The following FOXP1 variants were observed in gnomAD, a reference collection of about 807,000 sequenced individuals.
FOXP1 encodes the protein forkhead box protein P1.
Under a neutral mutation model 98.2 loss-of-function variants are expected in FOXP1, and 15 were observed. The ratio of observed to expected loss-of-function variants is 0.15; its 90% CI spans 0.10 to 0.24. The LOEUF (loss-of-function observed/expected upper bound fraction) is 0.24, where lower values mean the gene tolerates loss of function less well. FOXP1 is among the 10% of genes least tolerant of loss of function. The pLI, the probability that FOXP1 is intolerant of heterozygous loss-of-function variation, is 1.00. For missense variants in FOXP1, 633 were observed against 848.5 expected, an observed-to-expected ratio of 0.75 and a Z score of 3.15; for synonymous variants, 371 against 314.5, an observed-to-expected ratio of 1.18 and a Z score of -1.90.
chr3:71,040,101 G>GTGTA (rs535054333), intron 11 of FOXP1, among the ~76,000 whole-genome samples: 18 of 150,090 alleles, frequency 1.2e-4, no homozygotes, highest in Non-Finnish European at 2.2e-4. Context: ...GTGTGTGTGT[G>GTGTA]TGTATGTATG....
At chr3:71,172,968 G>A (rs968208936) in intron 6 of FOXP1, among the ~76,000 whole-genome samples, 3 of 152,170 alleles carry the variant, frequency 2.0e-5, no homozygotes, top group Admixed American at 6.5e-5. Context: ...AAATGAAGTC[G>A]TATCCAGAGG....
In FOXP1 at chr3:70,955,722, T is replaced by C. The variant is rs936509073; in HGVS notation, c.*3525A>G. 4.3e-6 allele frequency: 1 copy of C among 233,416 alleles called. No individual in the cohort carries two copies. Among genetic ancestry groups the C allele is most frequent in the Non-Finnish European group, 8.5e-6 (1 of 118,016 alleles). The allele number at this position is 233,416 out of a possible 1,614,324, so 14.5% of individuals were successfully genotyped here. ...GAAAACATTTTTTAAACAACATTTT[T>C]TTTTCTTTTCAAATGTATGAACTTG... On this transcript the variant is annotated 3_prime_UTR_variant, in exon 21 of 21. Transcript: ENST00000649528.
chr3:70,996,875 G>A (rs1331349010), intron 13 of FOXP1, among the ~76,000 whole-genome samples: 1 of 152,194 alleles, frequency 6.6e-6, no homozygotes, highest in African/African-American at 2.4e-5. Flanking sequence ...GAGGTCTTGT[G>A]AGTCTGAGTG....
chr3:71,009,981 CT>C (rs1157301927), intron 12 of FOXP1, among the ~76,000 whole-genome samples: 1 of 148,126 alleles, frequency 6.8e-6, no homozygotes, highest in African/African-American at 2.5e-5. Context: ...GTCTCAAACT[CT>C]TGGCCTCAAG....
chr3:71,175,328 C>G (rs1057313022), intron 6 of FOXP1, among the ~76,000 whole-genome samples: 2 of 152,206 alleles, frequency 1.3e-5, no homozygotes, highest in Non-Finnish European at 2.9e-5. Flanking sequence ...TTTGGCCCAT[C>G]AAGTGTGTCT....
intron 13 of FOXP1, among the ~76,000 whole-genome samples, chr3:70,994,654 A>G (rs1477783936): frequency 6.6e-6 from 1 of 152,144 alleles, no homozygotes; most frequent in Non-Finnish European, 1.5e-5. Context: ...TGCTCCCTAT[A>G]TAATAGGTGC....
intron 3 of FOXP1, among the ~76,000 whole-genome samples, chr3:71,415,553 C>T (rs1458211019): frequency 2.6e-5 from 4 of 152,224 alleles, no homozygotes; most frequent in East Asian, 3.9e-4. Flanking sequence ...GAGAAGGACA[C>T]TGAGGCTGAG....
At chr3:71,103,307 T>C (rs1305924746) in intron 7 of FOXP1, among the ~76,000 whole-genome samples, 1 of 152,230 alleles carries the variant, frequency 6.6e-6, no homozygotes, top group Non-Finnish European at 1.5e-5. Flanking sequence ...TTTTCTCTAA[T>C]TGCTTATTTT....
intron 9 of FOXP1, among the ~76,000 whole-genome samples, chr3:71,049,716 C>G (rs1576432599): frequency 6.6e-6 from 1 of 152,116 alleles, no homozygotes; most frequent in African/African-American, 2.4e-5. Flanking sequence ...CATACTTGTT[C>G]CATCTGTCAA....
In FOXP1 at chr3:71,150,059, T is replaced by C. The variant is rs377289345; in HGVS notation, c.181-37422A>G. Among the ~76,000 whole-genome samples the C allele has an allele frequency of 2.0e-5, 3 of 152,262 alleles. No individual in the cohort carries two copies. The East Asian group carries it at 5.8e-4, about 29-fold the overall frequency. On this transcript the variant is annotated intron_variant, in intron 6 of 20. Coordinates refer to ENST00000649528, the MANE Select transcript of FOXP1 (RefSeq NM_001349338.3). Reference sequence around the variant, plus strand: ...TGGAAGTGTTTGGTTGGCAGTCTAATAGCAGGAAATGATTTTGCTAAAGCC... The same window carrying C: ...TGGAAGTGTTTGGTTGGCAGTCTAACAGCAGGAAATGATTTTGCTAAAGCC...
chr3:71,444,986 A>G (rs750530513), intron 3 of FOXP1, among the ~76,000 whole-genome samples: 2 of 152,206 alleles, frequency 1.3e-5, no homozygotes, highest in Non-Finnish European at 2.9e-5. Context: ...TTCAAAGTGC[A>G]CAATGTGGCC....
chr3:71,420,092 C>T (rs1309687312), intron 3 of FOXP1, among the ~76,000 whole-genome samples: 35 of 152,014 alleles, frequency 2.3e-4, no homozygotes, highest in Non-Finnish European at 7.4e-5. Flanking sequence ...CCACTGCGCC[C>T]GACCAGGTAT....
chr3:71,365,658 C>T (rs1283263955), intron 3 of FOXP1, among the ~76,000 whole-genome samples: 1 of 152,086 alleles, frequency 6.6e-6, no homozygotes, highest in Non-Finnish European at 1.5e-5. Context: ...ATGAAGATTC[C>T]CTAAATTAGA....
intron 6 of FOXP1, among the ~76,000 whole-genome samples, chr3:71,129,770 C>G (rs949935889): frequency 7.2e-5 from 11 of 152,118 alleles, no homozygotes; most frequent in Non-Finnish European, 8.8e-5. Flanking sequence ...CTAAGAGAGC[C>G]GTTAGATTGC....
intron 4 of FOXP1, among the ~76,000 whole-genome samples, chr3:71,335,917 C>T (rs112789318): frequency 2.1e-5 from 3 of 145,204 alleles, no homozygotes; most frequent in Admixed American, 7.3e-5. Context: ...AGGTAGGAGA[C>T]TCAGGCGGGG....
chr3:71,038,008 T>C (rs1380458907), intron 11 of FOXP1, among the ~76,000 whole-genome samples: 1 of 152,160 alleles, frequency 6.6e-6, no homozygotes, highest in Non-Finnish European at 1.5e-5. Context: ...AAGAGGAGAG[T>C]AGGAGTGTCG....
intron 10 of FOXP1, among the ~76,000 whole-genome samples, chr3:71,044,315 C>T (rs1176864783): frequency 6.6e-6 from 1 of 152,072 alleles, no homozygotes; most frequent in Admixed American, 6.6e-5. Context: ...TTTTCTGCTA[C>T]CTAGAGTTTA....
At position 71,164,478 on chromosome 3, in the gene FOXP1, C is replaced by T. The variant is rs533403900; in HGVS notation, c.180+33724G>A. 8.5e-5 allele frequency among the ~76,000 whole-genome samples: 13 copies of T among 152,294 alleles called. No homozygotes were observed. In the South Asian group the frequency reaches 2.7e-3, roughly 32 times the overall value. On this transcript the variant is annotated intron_variant, in intron 6 of 20. Transcript: ENST00000649528. ...CCTCGCAAAGTGCTGGGATTATAGG[C>T]GTGAGGCACAGCGCCCGGTCCCGAC...
intron 14 of FOXP1, among the ~76,000 whole-genome samples, chr3:70,983,664 T>G (rs939043572): frequency 2.0e-5 from 3 of 152,216 alleles, no homozygotes; most frequent in Non-Finnish European, 2.9e-5. Flanking sequence ...ATGTGGTTTC[T>G]CCAGGAGCAG....
Sources: allele counts gnomAD v4.1 joint callset (sites outside exome capture counted in the v4.1 genomes callset), GRCh38; gene constraint gnomAD v4.1.1; transcripts MANE v1.5; gene names NCBI Gene and HGNC (gene_info 2026-07-23, HGNC 2026-07-21).